The following ANAPC13 variants were observed in gnomAD, a reference collection of about 807,000 sequenced individuals.
The protein encoded by ANAPC13 is anaphase promoting complex subunit 13, also known as anaphase-promoting complex subunit 13.
Under a neutral mutation model 9.6 loss-of-function variants are expected in ANAPC13, and 9 were observed. That is an observed-to-expected ratio of 0.94 (90% CI 0.57 to 1.64). The LOEUF (loss-of-function observed/expected upper bound fraction) is 1.64, where lower values mean the gene tolerates loss of function less well. Ranked by LOEUF, ANAPC13 falls within the 40% of genes most tolerant of loss-of-function variation. ANAPC13 has a pLI of 0.00. For synonymous variants in ANAPC13, 30 were observed against 29.7 expected (o/e 1.01, Z -0.03); for missense variants, 75 against 85.3 (o/e 0.88, Z 0.48).
At chr3:134,484,415 A>C (rs1024388701) in intron 1 of ANAPC13, among the ~76,000 whole-genome samples, 1 of 152,042 alleles carries the variant, frequency 6.6e-6, no homozygotes, top group Non-Finnish European at 1.5e-5. Flanking sequence ...AAAACCAAAA[A>C]GGCTCACAGC....
At chr3:134,486,003 T>G, upstream of ANAPC13, 148 of 749,416 alleles carry the variant, frequency 2.0e-4, no homozygotes, top group Non-Finnish European at 2.1e-4. Context: ...CCCCCCCCCC[T>G]CCCCCGCATC....
chr3:134,481,892 G>A (rs541340860), intron 2 of ANAPC13, among the ~76,000 whole-genome samples: 2 of 152,278 alleles, frequency 1.3e-5, no homozygotes, highest in Admixed American at 6.5e-5. Flanking sequence ...TCCAACCTCA[G>A]TCCATGGCAT....
intron 2 of ANAPC13, among the ~76,000 whole-genome samples, chr3:134,481,185 A>G (rs1934725378): frequency 1.3e-5 from 2 of 152,208 alleles, no homozygotes; most frequent in South Asian, 4.1e-4. Context: ...TGCTGGCTAA[A>G]CTGATTTTCC....
At chr3:134,482,985 T>G in intron 1 of ANAPC13, 54 bp from the exon 2 acceptor site, 1 of 1,216,572 alleles carries the variant, frequency 8.2e-7, no homozygotes, top group East Asian at 2.3e-5. Context: ...GATGGTATAA[T>G]CCACTATTAG....
chr3:134,485,894 G>A, intron 1 of ANAPC13, 58 bp downstream of exon 1: 1 of 717,748 alleles, frequency 1.4e-6, no homozygotes. Context: ...CCGACACTGA[G>A]CAACGAACGC....
chr3:134,479,447 C>T (rs1311681254), intron 2 of ANAPC13, among the ~76,000 whole-genome samples: 2 of 152,098 alleles, frequency 1.3e-5, no homozygotes, highest in Non-Finnish European at 1.5e-5. Context: ...AAGCGATTCT[C>T]CCGCCTCAGC....
intron 1 of ANAPC13, among the ~76,000 whole-genome samples, chr3:134,484,724 T>G (rs915590334): frequency 6.6e-6 from 1 of 152,256 alleles, no homozygotes; most frequent in African/African-American, 2.4e-5. Context: ...TTGTCCTTGC[T>G]GCTCTGTCTC....
intron 1 of ANAPC13, among the ~76,000 whole-genome samples, chr3:134,484,155 C>T (rs899269036): frequency 2.0e-5 from 3 of 150,574 alleles, no homozygotes; most frequent in African/African-American, 7.3e-5. Context: ...CCGAGGTGGG[C>T]GGATCACGAG....
chr3:134,485,881 A>T lies in ANAPC13; in HGVS notation c.-28+71T>A, dbSNP rs138101536. ...GCCTCGGCCGATGGGAATAGGGGGA[A>T]GTCCGACACTGAGCAACGAACGCAT... On this transcript the variant is annotated intron_variant, in intron 1 of 2. Coordinates refer to ENST00000354910, the MANE Select transcript of ANAPC13 (RefSeq NM_015391.4). The T allele has an allele frequency of 4.8e-4, 268 of 560,862 alleles. No homozygotes were observed. In the African/African-American group the frequency reaches 5.2e-3, roughly 11 times the overall value. The allele number at this position is 560,862 out of a possible 1,614,324, so 34.7% of individuals were successfully genotyped here.
intron 2 of ANAPC13, among the ~76,000 whole-genome samples, chr3:134,481,203 A>G (rs1193008660): frequency 6.6e-6 from 1 of 152,228 alleles, no homozygotes; most frequent in Non-Finnish European, 1.5e-5. Flanking sequence ...TCCAAAAGCC[A>G]AATCTGAGCA....
chr3:134,484,386 C>T (rs1934886217), intron 1 of ANAPC13, among the ~76,000 whole-genome samples: 1 of 76,764 alleles, frequency 1.3e-5, no homozygotes, highest in Non-Finnish European at 2.8e-5. Context: ...GATTCCGTCT[C>T]GGAAAAAAAA....
Position 134,485,952 on chromosome 3 carries a change from C to A in ANAPC13, c.-28G>T, listed in dbSNP as rs190969508. ...GGCCGGGGGCGCTGGAAACCCTTAC[C>A]GGCACCCGGCCACCGCGGCAGACGC... On this transcript the variant is annotated splice_region_variant and 5_prime_UTR_variant, in exon 1 of 3. Coordinates refer to ENST00000354910, the MANE Select transcript of ANAPC13 (RefSeq NM_015391.4). 8 of 982,250 alleles carry A rather than the reference C, an allele frequency of 8.1e-6. No homozygotes were observed. In the African/African-American group the frequency reaches 1.2e-4, roughly 15 times the overall value. 60.8% of individuals were successfully genotyped at this position (982,250 alleles called of 1,614,324 possible).
intron 1 of ANAPC13, among the ~76,000 whole-genome samples, chr3:134,483,766 C>T (rs560694213): frequency 1.2e-4 from 18 of 152,258 alleles, no homozygotes; most frequent in African/African-American, 4.3e-4. Context: ...CCAAAAAGCC[C>T]GGAAGCCACT....
chr3:134,481,175 T>G (rs1205544877), intron 2 of ANAPC13, among the ~76,000 whole-genome samples: 1 of 152,212 alleles, frequency 6.6e-6, no homozygotes. Context: ...TCTCTAACAA[T>G]GCTGGCTAAA....
chr3:134,482,729 T>C (rs1361766137), intron 2 of ANAPC13, 77 bp downstream of exon 2: 38 of 1,149,726 alleles, frequency 3.3e-5, no homozygotes, highest in Non-Finnish European at 4.3e-5. Context: ...TAGTTTATCT[T>C]CCATTGATAT....
At chr3:134,479,225 G>C (rs536687198) in intron 2 of ANAPC13, among the ~76,000 whole-genome samples, 1 of 152,332 alleles carries the variant, frequency 6.6e-6, no homozygotes, top group East Asian at 1.9e-4. Flanking sequence ...TAGGAACACT[G>C]AGATGAGTGA....
chr3:134,480,487 C>T (rs1052372041), intron 2 of ANAPC13, among the ~76,000 whole-genome samples: 1 of 152,202 alleles, frequency 6.6e-6, no homozygotes, highest in Admixed American at 6.5e-5. Context: ...AACTGATTTC[C>T]CCAATCTTGG....
intron 2 of ANAPC13, among the ~76,000 whole-genome samples, chr3:134,480,086 C>T (rs1381267346): frequency 6.6e-6 from 1 of 152,164 alleles, no homozygotes; most frequent in African/African-American, 2.4e-5. Context: ...GAATCACATA[C>T]ATCTTGTTCT....
chr3:134,481,864 T>C (rs1934741999), intron 2 of ANAPC13, among the ~76,000 whole-genome samples: 1 of 152,238 alleles, frequency 6.6e-6, no homozygotes, highest in African/African-American at 2.4e-5. Context: ...TGTTTAAGAA[T>C]TAGAGATAAT....
Sources: allele counts gnomAD v4.1 joint callset (sites outside exome capture counted in the v4.1 genomes callset), GRCh38; gene constraint gnomAD v4.1.1; transcripts MANE v1.5; gene names NCBI Gene and HGNC (gene_info 2026-07-23, HGNC 2026-07-21).